The following ADAM8 variants were observed in gnomAD, a reference collection of about 807,000 sequenced individuals.
The protein encoded by ADAM8 is ADAM metallopeptidase domain 8.
In ADAM8, 104 loss-of-function variants were observed where a neutral mutation model predicts 102.4. The observed-to-expected ratio is 1.02, with a 90% CI of 0.87 to 1.20. ADAM8 has a LOEUF of 1.20. Ranked by LOEUF, ADAM8 falls within the 50% of genes most tolerant of loss-of-function variation. The pLI, the probability that ADAM8 is intolerant of heterozygous loss-of-function variation, is 0.00. For synonymous variants in ADAM8, 517 were observed against 485.2 expected, an observed-to-expected ratio of 1.07 and a Z score of -0.86; for missense variants, 1,132 against 1,159.0, an observed-to-expected ratio of 0.98 and a Z score of 0.34.
Position 133,273,405 on chromosome 10 carries a change from T to C in ADAM8, c.422A>G (p.Glu141Gly). The C allele has an allele frequency of 6.5e-7, 1 of 1,548,824 alleles. No homozygotes were observed. Among genetic ancestry groups the C allele is most frequent in the Non-Finnish European group, 8.7e-7 (1 of 1,146,218 alleles). The change falls in exon 6 of 23, where the codon GAG becomes GGG. Residue 141 changes from glutamate (E) to glycine (G), a missense_variant. Physicochemically the swap from Glu to Gly is moderately conservative, Grantham distance 98. Transcript: ENST00000445355. ...FQVGSDLHLIEPLDEGGEGGR... is the reference protein window; with the variant it reads ...FQVGSDLHLIGPLDEGGEGGR... ...GCCCTCGCCACCTTCATCCAGGGGC[T>C]CGATCAGGTGCAGGTCTGACCCCAC...
chr10:133,270,985 G>A lies in ADAM8; in HGVS notation c.1460C>T (p.Pro487Leu), dbSNP rs373192234. The A allele has an allele frequency of 5.1e-5, 83 of 1,612,698 alleles. No homozygotes were observed. The highest frequency in any genetic ancestry group is 2.2e-4 in the South Asian group (20 of 91,094). Reference protein sequence around the residue: ...EFCDGRHPECPEDAFQENGTP... With the variant: ...EFCDGRHPECLEDAFQENGTP... ...GCCGTTCTCCTGGAAGGCGTCTTCC[G>A]GGCACTCAGGGTGCCGGCCGTCACA... The change falls in exon 14 of 23, where the codon CCG becomes CTG. Residue 487 changes from proline (P) to leucine (L), a missense_variant. Pro to Leu is a moderately conservative substitution (Grantham distance 98, BLOSUM62 -3). Coordinates refer to ENST00000445355, the MANE Select transcript of ADAM8 (RefSeq NM_001109.5).
rs779729338 is a variant in ADAM8, at chr10:133,272,523, G to A, written c.768C>T (p.Asp256=). 1.9e-6 allele frequency: 3 copies of A among 1,612,178 alleles called. No homozygotes were observed. The highest frequency in any genetic ancestry group is 2.5e-6 in the Non-Finnish European group (3 of 1,179,846). The change falls in exon 9 of 23, where the codon GAC becomes GAT. Residue 256 remains aspartate, a synonymous_variant. Coordinates refer to ENST00000445355, the MANE Select transcript of ADAM8 (RefSeq NM_001109.5). Reference sequence around the variant, plus strand: ...TGGGGTCGGGGCTGACGTGGAACCTGTCCTGACTATTCCAAATCTCCAGGC... The same window carrying A: ...TGGGGTCGGGGCTGACGTGGAACCTATCCTGACTATTCCAAATCTCCAGGC... ...LVGLEIWNSQ[D]RFHVSPDPSV...
Position 133,262,985 on chromosome 10 carries a change from C to A in ADAM8, c.*171G>T, listed in dbSNP as rs1434700814. 4 of 803,338 alleles carry A rather than the reference C, an allele frequency of 5.0e-6. No individual in the cohort carries two copies. Among genetic ancestry groups the A allele is most frequent in the East Asian group, 4.9e-5 (2 of 40,568 alleles). The allele number at this position is 803,338 out of a possible 1,614,324, so 49.8% of individuals were successfully genotyped here. On this transcript the variant is annotated 3_prime_UTR_variant, in exon 23 of 23. Transcript: ENST00000445355. ...GCGGGGAGAAGGAATTGGCTGAGGG[C>A]GTGGACAGCAGGAGCCTCTCAGGTA...
chr10:133,273,650 G>A lies in ADAM8; in HGVS notation c.383+112C>T, dbSNP rs913395959. 4 of 1,353,804 alleles carry A rather than the reference G, an allele frequency of 3.0e-6. No individual in the cohort carries two copies. The African/African-American group carries it at 5.8e-5, about 20-fold the overall frequency. 83.9% of individuals were successfully genotyped at this position (1,353,804 alleles called of 1,614,324 possible). ...GCAGACCCCCATGCAAGACAGCAAA[G>A]GCCTGAGTGGGAGGAGGAGGCACCC... is the stretch of plus-strand genomic sequence containing the variant. On this transcript the variant is annotated intron_variant, in intron 5 of 22. Transcript: ENST00000445355.
intron 8 of ADAM8, 23 bp downstream of exon 8, chr10:133,272,775 C>G: frequency 1.9e-6 from 3 of 1,600,564 alleles, no homozygotes; most frequent in Non-Finnish European, 1.7e-6. Flanking sequence ...TCTGGCACCT[C>G]TGCAGCCAGG....
chr10:133,273,078 C>T, intron 6 of ADAM8, 59 bp from the exon 7 acceptor site: 1 of 1,610,054 alleles, frequency 6.2e-7, no homozygotes. Flanking sequence ...TGGACCCTCC[C>T]TCAGGGACCC....
rs983508225 is a variant in ADAM8 at position 133,263,024 on chromosome 10, G to A, written c.*132C>T. On this transcript the variant is annotated 3_prime_UTR_variant, in exon 23 of 23. Coordinates refer to ENST00000445355, the MANE Select transcript of ADAM8 (RefSeq NM_001109.5). ...GCCTCTCAGGTAGATGCATTCCTGA[G>A]GTTAGAACAGCAGCTGAGCCTGCAA... 2.7e-6 allele frequency: 3 copies of A among 1,104,982 alleles called. No individual in the cohort carries two copies. Among genetic ancestry groups the A allele is most frequent in the Non-Finnish European group, 4.2e-6 (3 of 719,554 alleles). The allele number at this position is 1,104,982 out of a possible 1,614,324, so 68.4% of individuals were successfully genotyped here.
Position 133,270,886 on chromosome 10 carries a change from C to T in ADAM8, c.1559G>A (p.Gly520Glu), listed in dbSNP as rs1292461321. Residue 520 changes from glycine to glutamate, a missense_variant, in exon 14 of 23, where the codon GGG becomes GAG. Gly to Glu is a moderately conservative substitution (Grantham distance 98, BLOSUM62 -2). Transcript: ENST00000445355. ...CAGCTCTGTGCCCACTTCACCTGGC[C>T]CCCAGAAGGCCTGGCACTGCTGGGC... ...TLAQQCQAFW[G>E]PGGQAAEESC... The T allele has an allele frequency of 1.9e-6, 3 of 1,610,482 alleles. No homozygotes were observed. The highest frequency in any genetic ancestry group is 3.3e-5 in the Admixed American group (2 of 59,922).
intron 1 of ADAM8, 101 bp from the exon 2 acceptor site, chr10:133,275,688 C>T (rs984532380): frequency 3.1e-6 from 2 of 638,664 alleles, no homozygotes; most frequent in African/African-American, 1.9e-5. Context: ...GGGCTTGACC[C>T]TCCCCTGGGG....
At position 133,267,382 on chromosome 10, in the gene ADAM8, A is replaced by T. The variant is rs368744832; in HGVS notation, c.2289T>A (p.Val763=). Residue 763 remains valine (V), a synonymous_variant, in exon 21 of 23, where the codon GTT becomes GTA. Coordinates refer to ENST00000445355, the MANE Select transcript of ADAM8 (RefSeq NM_001109.5). ...TTGGTGCCTGCCGGGTGTAGACAGGAACTGGGAAGGGTGGGCTGGACACAG... is the reference window on the plus strand; with the variant it reads ...TTGGTGCCTGCCGGGTGTAGACAGGTACTGGGAAGGGTGGGCTGGACACAG... ...PVTVSSPPFP[V]PVYTRQAPKQ... 1.9e-6 allele frequency: 3 copies of T among 1,610,432 alleles called. No homozygotes were observed. Among genetic ancestry groups the T allele is most frequent in the Non-Finnish European group, 2.5e-6 (3 of 1,179,220 alleles).
chr10:133,262,879 A>G lies in ADAM8; in HGVS notation c.*277T>C, dbSNP rs1203838838. 6 of 547,714 alleles carry G rather than the reference A, an allele frequency of 1.1e-5. No homozygotes were observed. The highest frequency in any genetic ancestry group is 2.0e-5 in the Non-Finnish European group (6 of 303,708). The allele number at this position is 547,714 out of a possible 1,614,324, so 33.9% of individuals were successfully genotyped here. On this transcript the variant is annotated 3_prime_UTR_variant, in exon 23 of 23. Coordinates refer to ENST00000445355, the MANE Select transcript of ADAM8 (RefSeq NM_001109.5). ...GGGAGACCAGCGGCCACCTGGAGAC[A>G]CGTACACACACACGCACCCGCAAGC...
In ADAM8 at chr10:133,263,696, GACCAGGGTTGGCCGC is replaced by G. The variant is rs1846235177; in HGVS notation, c.2374_2388del (p.Ala792_Gly796del). ...GTGTGCTGGGGCCTCACCTCAGCTG[GACCAGGGTTGGCCGC>G]ACCAGCCCCGGGTTTGACTGGGGGC... On this transcript the variant is annotated inframe_deletion, in exon 22 of 23. Coordinates refer to ENST00000445355, the MANE Select transcript of ADAM8 (RefSeq NM_001109.5). 1 of 1,561,156 alleles carries G rather than the reference GACCAGGGTTGGCCGC, an allele frequency of 6.4e-7. No homozygotes were observed. The highest frequency in any genetic ancestry group is 1.4e-5 in the African/African-American group (1 of 73,334).
intron 3 of ADAM8, 37 bp from the exon 4 acceptor site, chr10:133,274,066 G>C: frequency 6.3e-7 from 1 of 1,592,982 alleles, no homozygotes; most frequent in Non-Finnish European, 8.5e-7. Context: ...CGGCCCCCTC[G>C]GTGCAGAGAG....
At chr10:133,267,607 GGCCGGAGA>G (rs1846366013) in intron 20 of ADAM8, among the ~76,000 whole-genome samples, 190 bp from the exon 21 acceptor site, 1 of 152,228 alleles carries the variant, frequency 6.6e-6, no homozygotes, top group South Asian at 2.1e-4. Context: ...CCGAGCTGGG[GGCCGGAGA>G]GCATTTGTGT....
At position 133,273,965 on chromosome 10, in the gene ADAM8, G is replaced by A; in HGVS notation, c.292C>T (p.Gln98Ter). The part of the protein sequence containing the change: ...TAANGSEVTE[Q>*]PRGQDHCFYQ... ...CCGACCCATACCTGCCCGCGAGGCT[G>A]CTCCGTCACCTCGGAGCCATTGGCA... The change falls in exon 4 of 23, where the codon CAG becomes TAG. Residue 98 changes from glutamine to a stop codon, truncating the protein, a stop_gained. Transcript: ENST00000445355. LOFTEE classifies it high-confidence loss of function. 6.2e-7 allele frequency: 1 copy of A among 1,603,626 alleles called. No homozygotes were observed. The highest frequency in any genetic ancestry group is 8.5e-7 in the Non-Finnish European group (1 of 1,177,386).
At chr10:133,271,735 C>T (rs367609352) in intron 11 of ADAM8, 30 bp from the exon 12 acceptor site, 68 of 1,537,058 alleles carry the variant, frequency 4.4e-5, no homozygotes, top group South Asian at 1.8e-4. Flanking sequence ...TTGGGGGAGG[C>T]GGCCTGGCCC....
chr10:133,269,831 C>G, intron 17 of ADAM8, 66 bp downstream of exon 17: 2 of 1,562,286 alleles, frequency 1.3e-6, no homozygotes, highest in Non-Finnish European at 8.8e-7. Flanking sequence ...AGAGCTGTCC[C>G]CAGCACCGGC....
intron 17 of ADAM8, 28 bp from the exon 18 acceptor site, chr10:133,269,557 A>T: frequency 6.4e-7 from 1 of 1,566,774 alleles, no homozygotes; most frequent in Non-Finnish European, 8.6e-7. Context: ...CTCAGGGCCA[A>T]CCCTGTTGTG....
chr10:133,269,749 C>T, intron 17 of ADAM8, 148 bp downstream of exon 17: 1 of 1,047,344 alleles, frequency 9.5e-7, no homozygotes, highest in Non-Finnish European at 1.4e-6. Context: ...CGGGCCTCAG[C>T]CGACAGGGGC....
Sources: gnomAD v4.1 joint callset for allele counts (sites outside exome capture counted in the v4.1 genomes callset) on GRCh38, gnomAD v4.1.1 for gene constraint, MANE v1.5 for transcripts, NCBI Gene and HGNC (gene_info 2026-07-23, HGNC 2026-07-21) for gene names.